The following OR5L2 variants were observed in gnomAD, a reference collection of about 807,000 sequenced individuals.
OR5L2 encodes olfactory receptor family 5 subfamily L member 2.
For synonymous variants in OR5L2, 175 were observed against 151.6 expected (o/e 1.15, Z -1.13); for missense variants, 425 against 365.6 (o/e 1.16, Z -1.32).
Position 55,827,763 on chromosome 11 carries a change from C to G in OR5L2, c.545C>G (p.Pro182Arg). The stretch of plus-strand genomic sequence containing the variant: ...ATTAACCACTTCTTCTGTGATCTAC[C>G]CCCTCTCCTAAGTCTTGCTTGCTCT... ...NVINHFFCDL[P>R]PLLSLACSDV... Residue 182 changes from proline (P) to arginine (R), a missense_variant, in exon 1 of 1, where the codon CCC (proline) becomes CGC (arginine). Physicochemically the swap from Pro to Arg is moderately radical, Grantham distance 103. Coordinates refer to ENST00000378397, the MANE Select transcript of OR5L2 (RefSeq NM_001004739.1). 1 of 1,613,710 alleles carries G rather than the reference C, an allele frequency of 6.2e-7. No homozygotes were observed. The highest frequency in any genetic ancestry group is 8.5e-7 in the Non-Finnish European group (1 of 1,179,948).
rs755733797 is a variant in OR5L2 at position 55,827,800 on chromosome 11, G to A, written c.582G>A (p.Val194=). The A allele has an allele frequency of 3.1e-6, 5 of 1,613,902 alleles. No homozygotes were observed. The highest frequency in any genetic ancestry group is 3.4e-6 in the Non-Finnish European group (4 of 1,179,986). The change falls in exon 1 of 1, where the codon GTG becomes GTA. Residue 194 remains valine, a synonymous_variant. Coordinates refer to ENST00000378397, the MANE Select transcript of OR5L2 (RefSeq NM_001004739.1). ...GTCTTGCTTGCTCTGATGTCACTGT[G>A]AATGAGACACTGCTGTTCCTGGTGG... The part of the protein sequence containing the change: ...LLSLACSDVT[V]NETLLFLVAT...
rs754894822 is a variant in OR5L2, at chr11:55,827,795, A to G, written c.577A>G (p.Thr193Ala). Residue 193 changes from threonine to alanine, a missense_variant, in exon 1 of 1, where the codon ACT becomes GCT. Thr to Ala is a moderately conservative substitution (Grantham distance 58). Coordinates refer to ENST00000378397, the MANE Select transcript of OR5L2 (RefSeq NM_001004739.1). Reference protein sequence around the residue: ...PLLSLACSDVTVNETLLFLVA... With the variant: ...PLLSLACSDVAVNETLLFLVA... ...CCTAAGTCTTGCTTGCTCTGATGTC[A>G]CTGTGAATGAGACACTGCTGTTCCT... 2 of 1,613,860 alleles carry G rather than the reference A, an allele frequency of 1.2e-6. No individual in the cohort carries two copies. Among genetic ancestry groups the G allele is most frequent in the Admixed American group, 3.3e-5 (2 of 59,996 alleles).
At position 55,827,675 on chromosome 11, in the gene OR5L2, A is replaced by G. The variant is rs2134475366; in HGVS notation, c.457A>G (p.Thr153Ala). The G allele has an allele frequency of 6.2e-7, 1 of 1,613,700 alleles. No homozygotes were observed. The highest frequency in any genetic ancestry group is 8.5e-7 in the Non-Finnish European group (1 of 1,179,988). Reference sequence around the variant, plus strand: ...GACCTCTTGCTGCTACTTCTGTGGGACGGTGTGTTCTCTGATTCACTCGTC... The same window carrying G: ...GACCTCTTGCTGCTACTTCTGTGGGGCGGTGTGTTCTCTGATTCACTCGTC... Reference protein sequence around the residue: ...ELTSCCYFCGTVCSLIHSSLA... With the variant: ...ELTSCCYFCGAVCSLIHSSLA... Residue 153 changes from threonine to alanine, a missense_variant, in exon 1 of 1, where the codon ACG becomes GCG. Thr to Ala is a moderately conservative substitution (Grantham distance 58, BLOSUM62 0). Transcript: ENST00000378397.
At position 55,827,658 on chromosome 11, in the gene OR5L2, G is replaced by T. The variant is rs750192113; in HGVS notation, c.440G>T (p.Cys147Phe). The T allele has an allele frequency of 1.2e-6, 2 of 1,613,804 alleles. No individual in the cohort carries two copies. Among genetic ancestry groups the T allele is most frequent in the South Asian group, 2.2e-5 (2 of 91,080 alleles). ...SQKLRVELTS[C>F]CYFCGTVCSL... ...AAGCTGCGTGTGGAGCTGACCTCTTGCTGCTACTTCTGTGGGACGGTGTGT... is the reference window on the plus strand; with the variant it reads ...AAGCTGCGTGTGGAGCTGACCTCTTTCTGCTACTTCTGTGGGACGGTGTGT... The change falls in exon 1 of 1, where the codon TGC becomes TTC. Residue 147 changes from cysteine to phenylalanine, a missense_variant. Cys to Phe is a radical substitution (Grantham distance 205). Transcript: ENST00000378397.
chr11:55,827,936 A>G lies in OR5L2; in HGVS notation c.718A>G (p.Thr240Ala). The change falls in exon 1 of 1, where the codon ACC becomes GCC. Residue 240 changes from threonine to alanine, a missense_variant. By Grantham distance (58) the Thr-to-Ala change is moderately conservative (BLOSUM62 0). Coordinates refer to ENST00000378397, the MANE Select transcript of OR5L2 (RefSeq NM_001004739.1). ...SAESRHKAFS[T>A]CASHLTAITV... ...AGAGAGCAGGCACAAAGCTTTCTCC[A>G]CCTGTGCCTCCCACCTCACAGCCAT... 1 of 1,613,572 alleles carries G rather than the reference A, an allele frequency of 6.2e-7. No individual in the cohort carries two copies.
At position 55,827,234 on chromosome 11, in the gene OR5L2, T is replaced by C. The variant is rs377362725; in HGVS notation, c.16T>C (p.Cys6Arg). The C allele has an allele frequency of 6.2e-7, 1 of 1,612,918 alleles. No homozygotes were observed. The highest frequency in any genetic ancestry group is 1.3e-5 in the African/African-American group (1 of 74,752). Residue 6 changes from cysteine to arginine, a missense_variant, in exon 1 of 1, where the codon TGC becomes CGC. Physicochemically the swap from Cys to Arg is radical, Grantham distance 180 (BLOSUM62 -3). Transcript: ENST00000378397. MGKENCTTVAEFILLG... is the reference protein window; with the variant it reads MGKENRTTVAEFILLG... ...AATTGGAGACATGGGCAAGGAAAAC[T>C]GCACCACTGTGGCTGAGTTCATTCT...
rs748843610 is a variant in OR5L2, at chr11:55,827,804, G to T, written c.586G>T (p.Glu196Ter). 5 of 1,613,906 alleles carry T rather than the reference G, an allele frequency of 3.1e-6. No homozygotes were observed. The highest frequency in any genetic ancestry group is 4.2e-6 in the Non-Finnish European group (5 of 1,179,986). ...TGCTTGCTCTGATGTCACTGTGAAT[G>T]AGACACTGCTGTTCCTGGTGGCCAC... is the stretch of plus-strand genomic sequence containing the variant. The part of the protein sequence containing the change: ...SLACSDVTVN[E>*]TLLFLVATLN... Residue 196 changes from glutamate (E) to a stop codon, truncating the protein, a stop_gained, in exon 1 of 1, where the codon GAG becomes TAG. Coordinates refer to ENST00000378397, the MANE Select transcript of OR5L2 (RefSeq NM_001004739.1). LOFTEE classifies it low-confidence loss of function (END_TRUNC).
At position 55,827,485 on chromosome 11, in the gene OR5L2, C is replaced by T; in HGVS notation, c.267C>T (p.Asp89=). ...TGTTGGCTAATATCTTTAACAAGGACAAAGCCATCTCCTTCCTAGGGTGCA... is the reference window on the plus strand; with the variant it reads ...TGTTGGCTAATATCTTTAACAAGGATAAAGCCATCTCCTTCCTAGGGTGCA... ...PKMLANIFNK[D]KAISFLGCMV... The change falls in exon 1 of 1, where the codon GAC becomes GAT. Residue 89 remains aspartate (D), a synonymous_variant. Transcript: ENST00000378397. The T allele has an allele frequency of 6.2e-7, 1 of 1,613,960 alleles. No homozygotes were observed. Among genetic ancestry groups the T allele is most frequent in the Non-Finnish European group, 8.5e-7 (1 of 1,180,018 alleles).
Position 55,827,672 on chromosome 11 carries a change from G to A in OR5L2, c.454G>A (p.Gly152Arg). The A allele has an allele frequency of 6.2e-7, 1 of 1,613,694 alleles. No individual in the cohort carries two copies. The highest frequency in any genetic ancestry group is 2.2e-5 in the East Asian group (1 of 44,870). The change falls in exon 1 of 1, where the codon GGG becomes AGG. Residue 152 changes from glycine to arginine, a missense_variant. Coordinates refer to ENST00000378397, the MANE Select transcript of OR5L2 (RefSeq NM_001004739.1). ...VELTSCCYFCGTVCSLIHSSL... is the reference protein window; with the variant it reads ...VELTSCCYFCRTVCSLIHSSL... ...GCTGACCTCTTGCTGCTACTTCTGTGGGACGGTGTGTTCTCTGATTCACTC... is the reference window on the plus strand; with the variant it reads ...GCTGACCTCTTGCTGCTACTTCTGTAGGACGGTGTGTTCTCTGATTCACTC...
At position 55,827,295 on chromosome 11, in the gene OR5L2, G is replaced by T. The variant is rs1448980294; in HGVS notation, c.77G>T (p.Cys26Phe). ...GLSDVPELRV[C>F]LFLLFLLIYG... ...TCAGATGTCCCTGAGTTGAGAGTCT[G>T]CCTCTTCCTGCTGTTCCTTCTCATC... Residue 26 changes from cysteine (C) to phenylalanine (F), a missense_variant, in exon 1 of 1, where the codon TGC becomes TTC. Coordinates refer to ENST00000378397, the MANE Select transcript of OR5L2 (RefSeq NM_001004739.1). 1.2e-6 allele frequency: 2 copies of T among 1,613,896 alleles called. No homozygotes were observed. The highest frequency in any genetic ancestry group is 1.1e-5 in the South Asian group (1 of 91,078).
In OR5L2 at chr11:55,827,782, T is replaced by C. The variant is rs1853909335; in HGVS notation, c.564T>C (p.Ala188=). ...ATCTACCCCCTCTCCTAAGTCTTGCTTGCTCTGATGTCACTGTGAATGAGA... is the reference window on the plus strand; with the variant it reads ...ATCTACCCCCTCTCCTAAGTCTTGCCTGCTCTGATGTCACTGTGAATGAGA... The part of the protein sequence containing the change: ...FCDLPPLLSL[A]CSDVTVNETL... Residue 188 remains alanine (A), a synonymous_variant, in exon 1 of 1, where the codon GCT becomes GCC. Coordinates refer to ENST00000378397, the MANE Select transcript of OR5L2 (RefSeq NM_001004739.1). The C allele has an allele frequency of 1.9e-6, 3 of 1,613,990 alleles. No individual in the cohort carries two copies. The highest frequency in any genetic ancestry group is 2.5e-6 in the Non-Finnish European group (3 of 1,180,014).
Position 55,828,097 on chromosome 11 carries a change from A to G in OR5L2, c.879A>G (p.Arg293=). ...PMLNPLIYSL[R]NKDVNKALRK... ...TGAACCCCCTGATCTACAGCCTGAGAAATAAGGATGTGAACAAAGCTCTCA... is the reference window on the plus strand; with the variant it reads ...TGAACCCCCTGATCTACAGCCTGAGGAATAAGGATGTGAACAAAGCTCTCA... The change falls in exon 1 of 1, where the codon AGA becomes AGG. Residue 293 remains arginine (R), a synonymous_variant. Coordinates refer to ENST00000378397, the MANE Select transcript of OR5L2 (RefSeq NM_001004739.1). The G allele has an allele frequency of 6.2e-7, 1 of 1,613,612 alleles. No homozygotes were observed. The highest frequency in any genetic ancestry group is 8.5e-7 in the Non-Finnish European group (1 of 1,179,780).
Position 55,828,053 on chromosome 11 carries a change from A to G in OR5L2, c.835A>G (p.Thr279Ala). Residue 279 changes from threonine to alanine, a missense_variant, in exon 1 of 1, where the codon ACA (threonine) becomes GCA (alanine). Transcript: ENST00000378397. ...DVDKVATVFY[T>A]VVIPMLNPLI... ...TGACAAAGTGGCCACCGTGTTCTAC[A>G]CAGTTGTGATTCCCATGCTGAACCC... The G allele has an allele frequency of 6.2e-7, 1 of 1,613,792 alleles. No individual in the cohort carries two copies. The highest frequency in any genetic ancestry group is 1.3e-5 in the African/African-American group (1 of 74,866).
rs768753578 is a variant in OR5L2, at chr11:55,827,436, A to G, written c.218A>G (p.Tyr73Cys). The G allele has an allele frequency of 1.2e-6, 2 of 1,613,832 alleles. No homozygotes were observed. Among genetic ancestry groups the G allele is most frequent in the Admixed American group, 1.7e-5 (1 of 59,984 alleles). Residue 73 changes from tyrosine to cysteine, a missense_variant, in exon 1 of 1, where the codon TAC (tyrosine) becomes TGC (cysteine). Tyr to Cys is a radical substitution (Grantham distance 194). Transcript: ENST00000378397. ...CACTTGTCCTTTGTAGATTTCTGCT[A>G]CTCCTCAATAATTGTGCCAAAGATG... ...LSHLSFVDFCYSSIIVPKMLA... is the reference protein window; with the variant it reads ...LSHLSFVDFCCSSIIVPKMLA...
Position 55,827,495 on chromosome 11 carries a change from T to C in OR5L2, c.277T>C (p.Ser93Pro), listed in dbSNP as rs1286488666. Residue 93 changes from serine (S) to proline (P), a missense_variant, in exon 1 of 1, where the codon TCC (serine) becomes CCC (proline). Coordinates refer to ENST00000378397, the MANE Select transcript of OR5L2 (RefSeq NM_001004739.1). ...TATCTTTAACAAGGACAAAGCCATC[T>C]CCTTCCTAGGGTGCATGGTGCAATT... is the stretch of plus-strand genomic sequence containing the variant. ...ANIFNKDKAI[S>P]FLGCMVQFYL... 6.2e-7 allele frequency: 1 copy of C among 1,613,852 alleles called. No homozygotes were observed. The highest frequency in any genetic ancestry group is 1.1e-5 in the South Asian group (1 of 91,088).
At position 55,827,236 on chromosome 11, in the gene OR5L2, C is replaced by A. The variant is rs749960392; in HGVS notation, c.18C>A (p.Cys6Ter). Residue 6 changes from cysteine to a stop codon, truncating the protein, a stop_gained, in exon 1 of 1, where the codon TGC (cysteine) becomes TGA (stop). Coordinates refer to ENST00000378397, the MANE Select transcript of OR5L2 (RefSeq NM_001004739.1). LOFTEE classifies it low-confidence loss of function (END_TRUNC). ...TTGGAGACATGGGCAAGGAAAACTG[C>A]ACCACTGTGGCTGAGTTCATTCTCC... MGKEN[C>*]TTVAEFILLG... 4.3e-6 allele frequency: 7 copies of A among 1,612,880 alleles called. No homozygotes were observed. The highest frequency in any genetic ancestry group is 5.9e-6 in the Non-Finnish European group (7 of 1,179,440).
At position 55,827,604 on chromosome 11, in the gene OR5L2, C is replaced by T. The variant is rs1326992518; in HGVS notation, c.386C>T (p.Pro129Leu). 2.5e-6 allele frequency: 4 copies of T among 1,613,716 alleles called. No individual in the cohort carries two copies. Among genetic ancestry groups the T allele is most frequent in the Non-Finnish European group, 3.4e-6 (4 of 1,179,992 alleles). Residue 129 changes from proline to leucine, a missense_variant, in exon 1 of 1, where the codon CCC (proline) becomes CTC (leucine). By Grantham distance (98) the Pro-to-Leu change is moderately conservative. Transcript: ENST00000378397. Reference protein sequence around the residue: ...AYDRFVAICNPLLYMVTMSQK... With the variant: ...AYDRFVAICNLLLYMVTMSQK... ...GACCGCTTTGTGGCCATCTGTAACC[C>T]CCTGCTGTACATGGTGACCATGTCT...
Position 55,827,563 on chromosome 11 carries a change from G to C in OR5L2, c.345G>C (p.Leu115=), listed in dbSNP as rs1565123187. ...GTGGAGTCACTGAGGTCTTCCTGCTGGCCGTGATGGCCTATGACCGCTTTG... is the reference window on the plus strand; with the variant it reads ...GTGGAGTCACTGAGGTCTTCCTGCTCGCCGTGATGGCCTATGACCGCTTTG... ...CTCGVTEVFL[L]AVMAYDRFVA... Residue 115 remains leucine (L), a synonymous_variant, in exon 1 of 1, where the codon CTG becomes CTC. Coordinates refer to ENST00000378397, the MANE Select transcript of OR5L2 (RefSeq NM_001004739.1). The C allele has an allele frequency of 6.2e-7, 1 of 1,613,824 alleles. No individual in the cohort carries two copies. Among genetic ancestry groups the C allele is most frequent in the South Asian group, 1.1e-5 (1 of 91,082 alleles).
In OR5L2 at chr11:55,828,073, GAACCCC is replaced by G; in HGVS notation, c.856_861del (p.Asn286_Pro287del). 1 of 1,613,722 alleles carries G rather than the reference GAACCCC, an allele frequency of 6.2e-7. No homozygotes were observed. Among genetic ancestry groups the G allele is most frequent in the Non-Finnish European group, 8.5e-7 (1 of 1,179,886 alleles). ...TCTACACAGTTGTGATTCCCATGCT[GAACCCC>G]CTGATCTACAGCCTGAGAAATAAGG... is the stretch of plus-strand genomic sequence containing the variant. On this transcript the variant is annotated inframe_deletion, in exon 1 of 1. Coordinates refer to ENST00000378397, the MANE Select transcript of OR5L2 (RefSeq NM_001004739.1).
Sources: gnomAD v4.1 joint callset for allele counts on GRCh38, gnomAD v4.1.1 for gene constraint, MANE v1.5 for transcripts, NCBI Gene and HGNC (gene_info 2026-07-23, HGNC 2026-07-21) for gene names.